The following CEMIP variants were observed in gnomAD, a reference collection of about 807,000 sequenced individuals.
CEMIP encodes the protein cell migration inducing hyaluronidase 1, also known as cell migration-inducing and hyaluronan-binding protein.
CEMIP carries 105 observed loss-of-function variants against 156.9 expected under a neutral mutation model. The ratio of observed to expected loss-of-function variants is 0.67; its 90% CI spans 0.57 to 0.79. The LOEUF (loss-of-function observed/expected upper bound fraction) is 0.79, where lower values mean the gene tolerates loss of function less well. Among genes scored for constraint, CEMIP ranks in the 30% least tolerant of loss-of-function variants. CEMIP has a pLI of 0.00. For missense variants in CEMIP, 1,457 were observed against 1,769.4 expected (o/e 0.82, Z 3.17); for synonymous variants, 676 against 668.4 (o/e 1.01, Z -0.17).
intron 1 of CEMIP, chr15:80,842,207 CAG>C (rs1176351039): frequency 2.8e-6 from 1 of 358,446 alleles, no homozygotes; most frequent in Non-Finnish European, 5.6e-6. Context: ...CTCTTTTAAA[CAG>C]AGTGGTGGAT....
At chr15:80,945,085 C>T (rs1233818381) in intron 28 of CEMIP, among the ~76,000 whole-genome samples, 1 of 152,246 alleles carries the variant, frequency 6.6e-6, no homozygotes, top group South Asian at 2.1e-4. Flanking sequence ...CAGCAGGCCA[C>T]TACTGGCCCC....
At chr15:80,905,892 G>A (rs2141885995) in intron 12 of CEMIP, among the ~76,000 whole-genome samples, 1 of 152,252 alleles carries the variant, frequency 6.6e-6, no homozygotes, top group East Asian at 1.9e-4. Context: ...GAGGAGCTCA[G>A]TACAGAGTTG....
intron 1 of CEMIP, among the ~76,000 whole-genome samples, chr15:80,797,934 T>C (rs1051224025): frequency 2.6e-5 from 4 of 152,206 alleles, no homozygotes; most frequent in African/African-American, 7.2e-5. Flanking sequence ...ACACAAACAT[T>C]TGGGTCTGTG....
At position 80,932,300 on chromosome 15, in the gene CEMIP, C is replaced by T. The variant is rs542539013; in HGVS notation, c.2793+261C>T. Among the ~76,000 whole-genome samples the T allele has an allele frequency of 6.6e-6, 1 of 152,268 alleles. No individual in the cohort carries two copies. The highest frequency in any genetic ancestry group is 2.4e-5 in the African/African-American group (1 of 41,548). ...ACTCAGGCGAGCCTCTGGAGGAACC[C>T]GACGTGTGGACTGAGGTTCCTAGGC... On this transcript the variant is annotated intron_variant, in intron 22 of 29. Transcript: ENST00000394685. The surrounding 1 kb of genome is among the most constrained non-coding windows in gnomAD (Gnocchi z 4.5).
At chr15:80,818,303 T>G (rs539601416) in intron 1 of CEMIP, among the ~76,000 whole-genome samples, 1 of 152,194 alleles carries the variant, frequency 6.6e-6, no homozygotes, top group Non-Finnish European at 1.5e-5. Context: ...ACACTGGCTC[T>G]TAAGACTTCA....
chr15:80,832,675 G>A (rs1897182732), intron 1 of CEMIP, among the ~76,000 whole-genome samples: 1 of 152,078 alleles, frequency 6.6e-6, no homozygotes, highest in African/African-American at 2.4e-5. Flanking sequence ...CAGTTGTTTT[G>A]TTCAGCCCAT....
intron 17 of CEMIP, among the ~76,000 whole-genome samples, chr15:80,923,234 G>A (rs1330619043): frequency 2.0e-5 from 3 of 152,148 alleles, no homozygotes; most frequent in Non-Finnish European, 2.9e-5. Context: ...GTGAGCAGAG[G>A]TGTGGAAGAC....
In CEMIP at chr15:80,950,780, C is replaced by CT. The variant is rs1200706680; in HGVS notation, c.*1857dup. ...AAGAGCTCCTGTAAGAGGGAGAACTCTATCTGTGGTTTATAATCTTGCACG... is the reference window on the plus strand; with the variant it reads ...AAGAGCTCCTGTAAGAGGGAGAACTCTTATCTGTGGTTTATAATCTTGCACG... On this transcript the variant is annotated 3_prime_UTR_variant, in exon 30 of 30. Transcript: ENST00000394685. 2 of 152,738 alleles carry CT rather than the reference C, an allele frequency of 1.3e-5. No individual in the cohort carries two copies. The highest frequency in any genetic ancestry group is 2.9e-5 in the Non-Finnish European group (2 of 68,100). The allele number at this position is 152,738 out of a possible 1,614,324, so 9.5% of individuals were successfully genotyped here. A position where few individuals can be genotyped will look rare whatever the true frequency, so the allele number is the denominator to read the frequency against.
chr15:80,936,791 T>C lies in CEMIP; in HGVS notation c.3127T>C (p.Tyr1043His). 3 of 1,614,138 alleles carry C rather than the reference T, an allele frequency of 1.9e-6. No homozygotes were observed. The highest frequency in any genetic ancestry group is 2.5e-6 in the Non-Finnish European group (3 of 1,180,024). ...ALTRSTHYQQ[Y>H]QPVVTLQKGY... ...CACCAGGAGCACCCATTACCAGCAA[T>C]ACCAACCGGTTGTCACCCTGCAGAA... The change falls in exon 24 of 30, where the codon TAC (tyrosine) becomes CAC (histidine). Residue 1043 changes from tyrosine (Y) to histidine (H), a missense_variant. Physicochemically the swap from Tyr to His is moderately conservative, Grantham distance 83 (BLOSUM62 2). Coordinates refer to ENST00000394685, the MANE Select transcript of CEMIP (RefSeq NM_001293298.2).
At position 80,806,227 on chromosome 15, in the gene CEMIP, G is replaced by A. The variant is rs150167754; in HGVS notation, c.-176+26613G>A. 9.7e-4 allele frequency among the ~76,000 whole-genome samples: 148 copies of A among 152,244 alleles called. 1 individual carries two copies. The highest frequency in any genetic ancestry group is 3.4e-3 in the African/African-American group (141 of 41,546). Reference sequence around the variant, plus strand: ...AATTCTAATTACTGTGAAAACTTTCGAGGTGCCTAGGTATTGTTTGACCTT... The same window carrying A: ...AATTCTAATTACTGTGAAAACTTTCAAGGTGCCTAGGTATTGTTTGACCTT... On this transcript the variant is annotated intron_variant, in intron 1 of 29. Coordinates refer to ENST00000394685, the MANE Select transcript of CEMIP (RefSeq NM_001293298.2).
chr15:80,859,413 C>G (rs1278845796), intron 1 of CEMIP, among the ~76,000 whole-genome samples: 2 of 152,224 alleles, frequency 1.3e-5, no homozygotes, highest in Non-Finnish European at 2.9e-5. Flanking sequence ...TCTTGCCTCT[C>G]CTGAAGACAT....
intron 10 of CEMIP, among the ~76,000 whole-genome samples, chr15:80,893,788 T>C (rs1258789667): frequency 6.6e-6 from 1 of 151,972 alleles, no homozygotes; most frequent in Non-Finnish European, 1.5e-5. Context: ...AAGCCAAAGA[T>C]AACGGAGCTG....
In CEMIP at chr15:80,906,600, G is replaced by A; in HGVS notation, c.1412-63G>A. 1 of 1,511,798 alleles carries A rather than the reference G, an allele frequency of 6.6e-7. No homozygotes were observed. The highest frequency in any genetic ancestry group is 1.8e-5 in the Admixed American group (1 of 57,028). The allele number at this position is 1,511,798 out of a possible 1,614,324, so 93.6% of individuals were successfully genotyped here. On this transcript the variant is annotated intron_variant, in intron 12 of 29. Transcript: ENST00000394685. The surrounding 1 kb of genome is among the most constrained non-coding windows in gnomAD (Gnocchi z 4.3). ...AGCAGCCATGGAGGCACCTGGCAGG[G>A]GCCCAGAACTCAGTGGGCATGCAGT... is the stretch of plus-strand genomic sequence containing the variant.
chr15:80,883,260 G>A (rs1898724435), intron 6 of CEMIP, among the ~76,000 whole-genome samples: 1 of 152,094 alleles, frequency 6.6e-6, no homozygotes, highest in Non-Finnish European at 1.5e-5. Context: ...TTGTGTCTTT[G>A]CTTTGTAAAT....
chr15:80,884,364 C>G lies in CEMIP; in HGVS notation c.797+10C>G. 6.2e-7 allele frequency: 1 copy of G among 1,613,894 alleles called. No individual in the cohort carries two copies. Among genetic ancestry groups the G allele is most frequent in the Non-Finnish European group, 8.5e-7 (1 of 1,179,928 alleles). On this transcript the variant is annotated intron_variant, in intron 7 of 29. Coordinates refer to ENST00000394685, the MANE Select transcript of CEMIP (RefSeq NM_001293298.2). ...TGCACCTTGGATTTAGGTACTGCCC[C>G]TCACTTCGGCTTCCACTGGGCTCTG...
At chr15:80,946,801 C>G (rs1567114446) in intron 28 of CEMIP, 164 bp from the exon 29 acceptor site, 30 of 670,688 alleles carry the variant, frequency 4.5e-5, no homozygotes, top group South Asian at 7.8e-5. Flanking sequence ...GGAAAGAGCC[C>G]GTCAGCTCAG....
chr15:80,925,790 G>A (rs776484727), intron 19 of CEMIP, 35 bp downstream of exon 19: 7 of 1,603,816 alleles, frequency 4.4e-6, no homozygotes, highest in Admixed American at 1.7e-5. Flanking sequence ...TGGCACAAAG[G>A]GGGCATGGCG....
intron 1 of CEMIP, among the ~76,000 whole-genome samples, chr15:80,813,676 C>A (rs1357360262): frequency 1.3e-5 from 2 of 152,158 alleles, no homozygotes; most frequent in African/African-American, 4.8e-5. Flanking sequence ...AGAGTAGGAA[C>A]CTGAAGCACT....
chr15:80,895,738 C>A (rs1331988285), intron 11 of CEMIP, 131 bp from the exon 12 acceptor site: 10 of 796,770 alleles, frequency 1.3e-5, no homozygotes, highest in Admixed American at 2.0e-5. Flanking sequence ...ATGGAGCAAG[C>A]CAGTGATCTG....
Sources: gnomAD v4.1 joint callset for allele counts (sites outside exome capture counted in the v4.1 genomes callset) on GRCh38, gnomAD v4.1.1 for gene constraint, Gnocchi (gnomAD v3.1) non-coding constraint, MANE v1.5 for transcripts, NCBI Gene and HGNC (gene_info 2026-07-23, HGNC 2026-07-21) for gene names.